SULT4A1: variants seen among roughly 807,000 people sequenced by gnomAD.
SULT4A1 encodes sulfotransferase 4A1.
Under a neutral mutation model 35.2 loss-of-function variants are expected in SULT4A1, and 11 were observed. That is an observed-to-expected ratio of 0.31 (90% CI 0.20 to 0.52). SULT4A1 has a LOEUF of 0.52. Ranked by LOEUF, SULT4A1 falls within the 20% of genes least tolerant of loss-of-function variation. SULT4A1 has a pLI of 0.97. For missense variants in SULT4A1, 271 were observed against 383.7 expected, an observed-to-expected ratio of 0.71 and a Z score of 2.45; for synonymous variants, 152 against 151.8, an observed-to-expected ratio of 1.00 and a Z score of -0.01.
At chr22:43,845,922 T>C (rs1194462954) in intron 1 of SULT4A1, among the ~76,000 whole-genome samples, 1 of 152,186 alleles carries the variant, frequency 6.6e-6, no homozygotes, top group Admixed American at 6.5e-5. Context: ...CCTGGGTCCA[T>C]GGAAAAACTG....
chr22:43,826,907 A>T (rs2063290802), intron 6 of SULT4A1: 11 of 985,312 alleles, frequency 1.1e-5, no homozygotes, highest in Non-Finnish European at 1.3e-5. Flanking sequence ...GGCAGCCACA[A>T]GGGAGGGCTG....
chr22:43,851,508 C>A (rs1276139381), intron 1 of SULT4A1, among the ~76,000 whole-genome samples: 1 of 152,144 alleles, frequency 6.6e-6, no homozygotes, highest in African/African-American at 2.4e-5. Flanking sequence ...TCACACGTGC[C>A]TGGGGGAGCA....
chr22:43,845,483 C>T (rs975351189), intron 1 of SULT4A1, among the ~76,000 whole-genome samples: 10 of 152,210 alleles, frequency 6.6e-5, no homozygotes, highest in Non-Finnish European at 1.2e-4. Context: ...CGGCTCCTCT[C>T]CTCTGTCCTT....
chr22:43,844,227 C>T (rs1315959035), intron 1 of SULT4A1, among the ~76,000 whole-genome samples: 1 of 152,224 alleles, frequency 6.6e-6, no homozygotes, highest in African/African-American at 2.4e-5. Flanking sequence ...AAATCACCTC[C>T]GCCCGCCAGT....
Position 43,841,920 on chromosome 22 carries a change from A to G in SULT4A1, c.182T>C (p.Leu61Pro). Reference sequence around the variant, plus strand: ...GCTCACCAAGTAGACCACCTCCTGCAGCAAGCTGGTGCCTGGAGGGGAGAA... The same window carrying G: ...GCTCACCAAGTAGACCACCTCCTGCGGCAAGCTGGTGCCTGGAGGGGAGAA... ...VTYPKSGTSL[L>P]QEVVYLVSQG... The change falls in exon 2 of 7, where the codon CTG becomes CCG. Residue 61 changes from leucine (L) to proline (P), a missense_variant. Physicochemically the swap from Leu to Pro is moderately conservative, Grantham distance 98 (BLOSUM62 -3). This residue lies in a region of SULT4A1 where 164 missense variants were observed against 254.1 expected (regional missense o/e 0.65). Coordinates refer to ENST00000330884, the MANE Select transcript of SULT4A1 (RefSeq NM_014351.4). 6.2e-7 allele frequency: 1 copy of G among 1,613,242 alleles called. No homozygotes were observed. The highest frequency in any genetic ancestry group is 1.3e-5 in the African/African-American group (1 of 75,042).
intron 1 of SULT4A1, 48 bp from the exon 2 acceptor site, chr22:43,841,980 G>A (rs376240754): frequency 3.9e-5 from 62 of 1,582,666 alleles, no homozygotes; most frequent in Middle Eastern, 3.7e-4. Context: ...AGGCCCACGC[G>A]CCCGGCCCTG....
intron 1 of SULT4A1, among the ~76,000 whole-genome samples, chr22:43,855,494 G>A (rs2049392174): frequency 6.6e-6 from 1 of 152,120 alleles, no homozygotes; most frequent in African/African-American, 2.4e-5. Flanking sequence ...CCAAGCCAGG[G>A]CCTCTGGCTC....
At chr22:43,850,152 TCTC>T (rs1394078886) in intron 1 of SULT4A1, among the ~76,000 whole-genome samples, 1 of 152,192 alleles carries the variant, frequency 6.6e-6, no homozygotes, top group South Asian at 2.1e-4. Context: ...CCCACGGTTC[TCTC>T]CTCCTCTAAT....
chr22:43,843,289 G>A (rs1421815595), intron 1 of SULT4A1, among the ~76,000 whole-genome samples: 1 of 152,308 alleles, frequency 6.6e-6, no homozygotes, highest in East Asian at 1.9e-4. Flanking sequence ...GGGCATAGTG[G>A]CATACATCTG....
intron 6 of SULT4A1, chr22:43,826,797 G>A: frequency 1.4e-5 from 14 of 985,418 alleles, no homozygotes; most frequent in Non-Finnish European, 1.6e-5. Flanking sequence ...TGCAAAACAT[G>A]CACTGCAGTG....
chr22:43,840,958 T>A (rs541128574), intron 2 of SULT4A1, among the ~76,000 whole-genome samples: 1 of 149,942 alleles, frequency 6.7e-6, no homozygotes, highest in South Asian at 2.1e-4. Context: ...GGTCCCCCCC[T>A]GATCTGCTCC....
intron 1 of SULT4A1, among the ~76,000 whole-genome samples, chr22:43,849,390 C>T (rs1045634355): frequency 2.6e-5 from 4 of 152,194 alleles, no homozygotes; most frequent in South Asian, 2.1e-4. Context: ...CTTACATCCC[C>T]GTTTTCCCGC....
chr22:43,832,382 G>A (rs1324751947), intron 5 of SULT4A1, among the ~76,000 whole-genome samples: 1 of 152,140 alleles, frequency 6.6e-6, no homozygotes, highest in African/African-American at 2.4e-5. Flanking sequence ...CCCATGTGGG[G>A]AACCGACAGC....
At position 43,839,919 on chromosome 22, in the gene SULT4A1, G is replaced by A. The variant is rs758257142; in HGVS notation, c.381+26C>T. 1.6e-5 allele frequency: 25 copies of A among 1,588,622 alleles called. No homozygotes were observed. In the African/African-American group the frequency reaches 2.1e-4, roughly 14 times the overall value. On this transcript the variant is annotated intron_variant, in intron 3 of 6. Coordinates refer to ENST00000330884, the MANE Select transcript of SULT4A1 (RefSeq NM_014351.4). ...GCTCCTCTTGGTGGGGACTCATCTCGGGAGGCAGAGGAGGTGCCAGCTTAC... is the reference window on the plus strand; with the variant it reads ...GCTCCTCTTGGTGGGGACTCATCTCAGGAGGCAGAGGAGGTGCCAGCTTAC...
intron 1 of SULT4A1, among the ~76,000 whole-genome samples, chr22:43,854,664 C>A (rs2049381649): frequency 6.6e-6 from 1 of 152,158 alleles, no homozygotes; most frequent in South Asian, 2.1e-4. Context: ...AGGGAGCCGA[C>A]GCCCTGAGCC....
chr22:43,840,290 T>C (rs2063415842), intron 2 of SULT4A1, among the ~76,000 whole-genome samples: 1 of 146,330 alleles, frequency 6.8e-6, no homozygotes, highest in Non-Finnish European at 1.5e-5. Flanking sequence ...GGGAGAACGG[T>C]AGGGGTCAGA....
chr22:43,856,243 G>A (rs182664182), intron 1 of SULT4A1, among the ~76,000 whole-genome samples: 14 of 152,268 alleles, frequency 9.2e-5, no homozygotes, highest in East Asian at 7.7e-4. Context: ...GCAGCAAACC[G>A]TGTCACCTCC....
At chr22:43,847,826 C>A (rs2063486415) in intron 1 of SULT4A1, among the ~76,000 whole-genome samples, 1 of 152,254 alleles carries the variant, frequency 6.6e-6, no homozygotes, top group South Asian at 2.1e-4. Context: ...CCTGTGAGGG[C>A]AGGGAACTGG....
In SULT4A1 at chr22:43,824,800, A is replaced by C. The variant is rs997083257; in HGVS notation, c.*1201T>G. The C allele has an allele frequency of 6.6e-6, 1 of 152,100 alleles. No individual in the cohort carries two copies. Among genetic ancestry groups the C allele is most frequent in the Non-Finnish European group, 1.5e-5 (1 of 68,024 alleles). The allele number at this position is 152,100 out of a possible 1,614,324, so 9.4% of individuals were successfully genotyped here. A position where few individuals can be genotyped will look rare whatever the true frequency, so the allele number is the denominator to read the frequency against. Reference sequence around the variant, plus strand: ...CCCTTCCACAGCAGCGACCCTCCTGACCACCACTTTGGGTGCTTTCCAGCC... The same window carrying C: ...CCCTTCCACAGCAGCGACCCTCCTGCCCACCACTTTGGGTGCTTTCCAGCC... On this transcript the variant is annotated 3_prime_UTR_variant, in exon 7 of 7. Coordinates refer to ENST00000330884, the MANE Select transcript of SULT4A1 (RefSeq NM_014351.4).
Sources: allele counts gnomAD v4.1 joint callset (sites outside exome capture counted in the v4.1 genomes callset), GRCh38; gene constraint gnomAD v4.1.1; regional missense constraint gnomAD v4.1.1; transcripts MANE v1.5; gene names NCBI Gene and HGNC (gene_info 2026-07-23, HGNC 2026-07-21).